The following ZNF100 variants were observed in gnomAD, a reference collection of about 807,000 sequenced individuals.
The protein encoded by ZNF100 is zinc finger protein 100 (Y1).
Under a neutral mutation model 15.8 loss-of-function variants are expected in ZNF100, and 12 were observed. That is an observed-to-expected ratio of 0.76 (90% CI 0.49 to 1.23). The LOEUF is 1.23. ZNF100 is among the 50% of genes most tolerant of loss of function. ZNF100 has a pLI of 0.00. For synonymous variants in ZNF100, 226 were observed against 214.8 expected, an observed-to-expected ratio of 1.05 and a Z score of -0.45; for missense variants, 670 against 635.6, an observed-to-expected ratio of 1.05 and a Z score of -0.58.
At position 21,726,119 on chromosome 19, in the gene ZNF100, C is replaced by T. The variant is rs1199771942; in HGVS notation, c.*564G>A. On this transcript the variant is annotated 3_prime_UTR_variant, in exon 5 of 5. Transcript: ENST00000358296. ...TGATACAAGTAAACATATTACAATT[C>T]TACTACAATGTTCTTCTTCAAAATA... 6.6e-6 allele frequency: 1 copy of T among 152,442 alleles called. No homozygotes were observed. The highest frequency in any genetic ancestry group is 1.5e-5 in the Non-Finnish European group (1 of 68,288). The allele number at this position is 152,442 out of a possible 1,614,324, so 9.4% of individuals were successfully genotyped here.
chr19:21,726,637 A>T lies in ZNF100; in HGVS notation c.*46T>A, dbSNP rs1599612888. Reference sequence around the variant, plus strand: ...AGTTCCCTCCAGTATGAATTTTTTTATGTTTAGTAAGAGTTGAGGACTGGT... The same window carrying T: ...AGTTCCCTCCAGTATGAATTTTTTTTTGTTTAGTAAGAGTTGAGGACTGGT... On this transcript the variant is annotated 3_prime_UTR_variant, in exon 5 of 5. Transcript: ENST00000358296. 6.2e-6 allele frequency: 8 copies of T among 1,282,366 alleles called. No individual in the cohort carries two copies. The highest frequency in any genetic ancestry group is 8.5e-6 in the Non-Finnish European group (8 of 940,380). The allele number at this position is 1,282,366 out of a possible 1,614,324, so 79.4% of individuals were successfully genotyped here.
intron 2 of ZNF100, among the ~76,000 whole-genome samples, chr19:21,754,389 A>G (rs572951910): frequency 1.3e-5 from 2 of 152,350 alleles, no homozygotes; most frequent in East Asian, 1.9e-4. Flanking sequence ...AATTAAAAAC[A>G]TATCATTATT....
In ZNF100 at chr19:21,740,068, C is replaced by T. The variant is rs571547586; in HGVS notation, c.322+3949G>A. ...AAGAACAAACAGGCATTATACTTCCCGATTTTAAAACATTAAAAGCTACAA... is the reference window on the plus strand; with the variant it reads ...AAGAACAAACAGGCATTATACTTCCTGATTTTAAAACATTAAAAGCTACAA... On this transcript the variant is annotated intron_variant, in intron 4 of 4. Transcript: ENST00000358296. Among the ~76,000 whole-genome samples the T allele has an allele frequency of 1.0e-3, 156 of 152,058 alleles. 1 individual carries two copies. Among genetic ancestry groups the T allele is most frequent in the African/African-American group, 3.5e-3 (144 of 41,464 alleles).
rs901772214 is a variant in ZNF100, at chr19:21,723,196, TAAAA to T, written c.*3483_*3486del. On this transcript the variant is annotated 3_prime_UTR_variant, in exon 5 of 5. Transcript: ENST00000358296. ...GTGAAACTTCGTCTCTACAAAAAAT[TAAAA>T]AAAAAAAAATTCAGCCAGATGTGGT... 3 of 140,122 alleles carry T rather than the reference TAAAA, an allele frequency of 2.1e-5. No homozygotes were observed. The highest frequency in any genetic ancestry group is 2.1e-4 in the East Asian group (1 of 4,846). 8.7% of individuals were successfully genotyped at this position (140,122 alleles called of 1,614,324 possible). A position where few individuals can be genotyped will look rare whatever the true frequency, so the allele number is the denominator to read the frequency against.
At chr19:21,766,034 G>C (rs544793100) in intron 1 of ZNF100, among the ~76,000 whole-genome samples, 10 of 152,278 alleles carry the variant, frequency 6.6e-5, no homozygotes, top group Admixed American at 4.6e-4. Context: ...CTACAATACA[G>C]TGTCAGAGGA....
rs2035795028 is a variant in ZNF100, at chr19:21,726,757, C to T, written c.1555G>A (p.Gly519Ser). Residue 519 changes from glycine (G) to serine (S), a missense_variant, in exon 5 of 5, where the codon GGT becomes AGT. Physicochemically the swap from Gly to Ser is moderately conservative, Grantham distance 56. Transcript: ENST00000358296. ...CTTAGGGACTGGTTAAAGTCTTTACCACATTCTTCCCATTTGTAAGATTTC... is the reference window on the plus strand; with the variant it reads ...CTTAGGGACTGGTTAAAGTCTTTACTACATTCTTCCCATTTGTAAGATTTC... ...GEKSYKWEEC[G>S]KDFNQSLSLI... The T allele has an allele frequency of 1.2e-6, 2 of 1,612,442 alleles. No homozygotes were observed. Among genetic ancestry groups the T allele is most frequent in the Admixed American group, 1.7e-5 (1 of 59,830 alleles).
intron 4 of ZNF100, among the ~76,000 whole-genome samples, chr19:21,734,946 G>A (rs1292480533): frequency 6.6e-6 from 1 of 152,008 alleles, no homozygotes; most frequent in Non-Finnish European, 1.5e-5. Flanking sequence ...AGAATATCCT[G>A]CAACTAAGCT....
At chr19:21,755,905 G>A (rs943636135) in intron 2 of ZNF100, among the ~76,000 whole-genome samples, 3 of 152,050 alleles carry the variant, frequency 2.0e-5, no homozygotes, top group African/African-American at 7.2e-5. Flanking sequence ...ACACAGAGAG[G>A]GAAACTACAC....
intron 2 of ZNF100, among the ~76,000 whole-genome samples, chr19:21,763,931 C>T (rs1287816824): frequency 1.3e-5 from 2 of 152,126 alleles, no homozygotes; most frequent in Admixed American, 1.3e-4. Context: ...ATAAATTGAA[C>T]TTGGTTATAC....
chr19:21,763,368 G>A (rs1230381671), intron 2 of ZNF100, among the ~76,000 whole-genome samples: 2 of 152,014 alleles, frequency 1.3e-5, no homozygotes, highest in Non-Finnish European at 2.9e-5. Context: ...AGACCGAGGT[G>A]GGCAGATCAC....
intron 2 of ZNF100, among the ~76,000 whole-genome samples, chr19:21,760,020 T>C (rs546191192): frequency 7.2e-5 from 11 of 151,896 alleles, no homozygotes; most frequent in Admixed American, 5.9e-4. Context: ...CCATCTCTAC[T>C]AAAAATATAA....
intron 2 of ZNF100, among the ~76,000 whole-genome samples, chr19:21,760,432 T>C (rs1308125412): frequency 6.6e-6 from 1 of 151,712 alleles, no homozygotes; most frequent in African/African-American, 2.4e-5. Flanking sequence ...GAGGCGGAGG[T>C]TGCAGTGAGC....
intron 4 of ZNF100, among the ~76,000 whole-genome samples, chr19:21,733,674 C>CTGGG (rs2035959498): frequency 6.6e-6 from 1 of 152,294 alleles, no homozygotes; most frequent in African/African-American, 2.4e-5. Flanking sequence ...GGAATTTCTC[C>CTGGG]CAGTGAAGCA....
rs1003696709 is a variant in ZNF100 at position 21,751,443 on chromosome 19, C to G, written c.97-6376G>C. 22 of 844,604 alleles carry G rather than the reference C, an allele frequency of 2.6e-5. No homozygotes were observed. The African/African-American group carries it at 3.3e-4, about 13-fold the overall frequency. 52.3% of individuals were successfully genotyped at this position (844,604 alleles called of 1,614,324 possible). The stretch of plus-strand genomic sequence containing the variant: ...AGATTTGTTCATACTCTTTTTAGTG[C>G]TGCACAGCTAACAGCTGAATGTGCA... On this transcript the variant is annotated intron_variant, in intron 2 of 4. Transcript: ENST00000358296.
At chr19:21,748,219 G>A (rs1599395195) in intron 2 of ZNF100, among the ~76,000 whole-genome samples, 1 of 152,156 alleles carries the variant, frequency 6.6e-6, no homozygotes, top group South Asian at 2.1e-4. Context: ...CTTTTGGGTT[G>A]CAGGAAATTG....
chr19:21,744,663 C>A (rs1394898314), intron 3 of ZNF100, among the ~76,000 whole-genome samples: 1 of 152,054 alleles, frequency 6.6e-6, no homozygotes, highest in East Asian at 1.9e-4. Flanking sequence ...AGCCACCATG[C>A]CCGGCCTAAA....
chr19:21,745,575 T>G (rs1016745840), intron 2 of ZNF100, among the ~76,000 whole-genome samples: 10 of 151,826 alleles, frequency 6.6e-5, no homozygotes, highest in Non-Finnish European at 1.3e-4. Context: ...GACTGCGGAC[T>G]GCAGTGGCGC....
At chr19:21,743,981 A>T in intron 4 of ZNF100, 36 bp downstream of exon 4, 1 of 1,566,824 alleles carries the variant, frequency 6.4e-7, no homozygotes, top group East Asian at 2.3e-5. Context: ...TTTGGACCTC[A>T]CATCTGTGTC....
intron 2 of ZNF100, chr19:21,750,871 G>A (rs2036294555): frequency 1.1e-5 from 6 of 539,812 alleles, no homozygotes; most frequent in East Asian, 5.8e-5. Context: ...GACCTATTGC[G>A]TGTCCCCCCA....
Sources: allele counts gnomAD v4.1 joint callset (sites outside exome capture counted in the v4.1 genomes callset), GRCh38; gene constraint gnomAD v4.1.1; transcripts MANE v1.5; gene names NCBI Gene and HGNC (gene_info 2026-07-23, HGNC 2026-07-21).